The following FANCL variants were observed in gnomAD, a reference collection of about 807,000 sequenced individuals.
FANCL encodes FA complementation group L.
A neutral mutation model predicts 59.4 loss-of-function variants in FANCL; 69 were observed. The ratio of observed to expected loss-of-function variants is 1.16; its 90% CI spans 0.96 to 1.42. The LOEUF (loss-of-function observed/expected upper bound fraction) is 1.42, where lower values mean the gene tolerates loss of function less well. Among genes scored for constraint, FANCL ranks in the 40% most tolerant of loss-of-function variants. The pLI is 0.00. For missense variants in FANCL, 519 were observed against 447.2 expected (o/e 1.16, Z -1.45); for synonymous variants, 180 against 147.1 (o/e 1.22, Z -1.62).
At chr2:58,188,947 C>T (rs1388671036) in intron 7 of FANCL, among the ~76,000 whole-genome samples, 4 of 152,150 alleles carry the variant, frequency 2.6e-5, no homozygotes, top group Admixed American at 6.5e-5. Flanking sequence ...AACTATATTA[C>T]ATGCTACAAC....
chr2:58,187,312 A>G (rs1321710021), intron 7 of FANCL, among the ~76,000 whole-genome samples: 1 of 151,794 alleles, frequency 6.6e-6, no homozygotes, highest in Non-Finnish European at 1.5e-5. Flanking sequence ...AACTATCGCA[A>G]GCACAGAAAA....
intron 1 of FANCL, among the ~76,000 whole-genome samples, chr2:58,237,660 T>C (rs181979078): frequency 2.6e-5 from 4 of 152,046 alleles, no homozygotes; most frequent in Non-Finnish European, 5.9e-5. Flanking sequence ...TAAACCTCTA[T>C]CTAGATGTAT....
At chr2:58,174,743 G>C (rs1687096648) in intron 7 of FANCL, among the ~76,000 whole-genome samples, 1 of 152,044 alleles carries the variant, frequency 6.6e-6, no homozygotes, top group Non-Finnish European at 1.5e-5. Context: ...AAAAGCAAGA[G>C]CAAACACATT....
At chr2:58,188,727 A>C (rs1282240906) in intron 7 of FANCL, among the ~76,000 whole-genome samples, 2 of 151,704 alleles carry the variant, frequency 1.3e-5, no homozygotes, top group Non-Finnish European at 2.9e-5. Context: ...GGTGTGAGAC[A>C]CTGCGACCAG....
chr2:58,238,105 C>T (rs528480242), intron 1 of FANCL, among the ~76,000 whole-genome samples: 63 of 152,314 alleles, frequency 4.1e-4, no homozygotes, highest in Non-Finnish European at 7.6e-4. Context: ...CCCAGGACAG[C>T]TCTGAATGCA....
chr2:58,166,749 T>C (rs1008594000), intron 7 of FANCL, among the ~76,000 whole-genome samples: 7 of 152,226 alleles, frequency 4.6e-5, no homozygotes, highest in African/African-American at 1.4e-4. Flanking sequence ...AAGAATATGA[T>C]ACACCCTAAG....
intron 5 of FANCL, among the ~76,000 whole-genome samples, chr2:58,210,267 C>T (rs1231420879): frequency 6.6e-6 from 1 of 152,140 alleles, no homozygotes; most frequent in Non-Finnish European, 1.5e-5. Context: ...GGAAGGCTCA[C>T]AATCATGGTG....
chr2:58,236,274 CAAAGA>C (rs1412405691), intron 1 of FANCL, among the ~76,000 whole-genome samples: 2 of 151,370 alleles, frequency 1.3e-5, no homozygotes, highest in South Asian at 4.2e-4. Flanking sequence ...TACAGAGAAA[CAAAGA>C]AAAGAGCAGA....
intron 12 of FANCL, among the ~76,000 whole-genome samples, chr2:58,161,147 T>G (rs1685094528): frequency 6.6e-6 from 1 of 152,002 alleles, no homozygotes; most frequent in South Asian, 2.1e-4. Flanking sequence ...AATTTCATTT[T>G]CACTGTATTA....
intron 5 of FANCL, among the ~76,000 whole-genome samples, chr2:58,217,173 T>A (rs1319406194): frequency 5.6e-5 from 1 of 17,812 alleles, no homozygotes; most frequent in Non-Finnish European, 1.0e-4. Flanking sequence ...ATTTTATATA[T>A]ATATATATAT....
intron 1 of FANCL, among the ~76,000 whole-genome samples, chr2:58,239,814 A>C (rs765296461): frequency 6.6e-6 from 1 of 152,326 alleles, no homozygotes; most frequent in South Asian, 2.1e-4. Context: ...AATGGAGAAA[A>C]TGTAAACTGG....
intron 7 of FANCL, among the ~76,000 whole-genome samples, chr2:58,175,563 G>C (rs987846599): frequency 6.6e-6 from 1 of 152,008 alleles, no homozygotes; most frequent in African/African-American, 2.4e-5. Flanking sequence ...ATGCAGATAA[G>C]GCCTTTGACA....
rs1439763818 is a variant in FANCL at position 58,159,652 on chromosome 2, G to C, written c.*113C>G. ...TTATTATTATCGCATCATCATACCT[G>C]TCCTTTTGATGTTAGTATTTCTTGC... On this transcript the variant is annotated 3_prime_UTR_variant, in exon 14 of 14. Coordinates refer to ENST00000233741, the MANE Select transcript of FANCL (RefSeq NM_018062.4). 1.9e-6 allele frequency: 3 copies of C among 1,613,506 alleles called. No individual in the cohort carries two copies. In the South Asian group the frequency reaches 3.3e-5, roughly 18 times the overall value.
intron 7 of FANCL, among the ~76,000 whole-genome samples, chr2:58,168,130 TAA>T (rs1191639674): frequency 6.6e-6 from 1 of 152,128 alleles, no homozygotes; most frequent in African/African-American, 2.4e-5. Flanking sequence ...TTTTTAAAAA[TAA>T]AAATAGCTAA....
chr2:58,228,169 C>T (rs948325646), intron 3 of FANCL, among the ~76,000 whole-genome samples: 1 of 151,768 alleles, frequency 6.6e-6, no homozygotes, highest in Non-Finnish European at 1.5e-5. Context: ...GACAGTCATT[C>T]ATTAAAGTAA....
Position 58,159,366 on chromosome 2 carries a change from A to G in FANCL, c.*399T>C, listed in dbSNP as rs1389436643. The G allele has an allele frequency of 6.2e-7, 1 of 1,607,488 alleles. No homozygotes were observed. The highest frequency in any genetic ancestry group is 1.7e-5 in the Admixed American group (1 of 58,522). On this transcript the variant is annotated 3_prime_UTR_variant, in exon 14 of 14. Transcript: ENST00000233741. ...TTCCATAGGAAAGCACAAGGAGAAGACAGAAATATCAAGAGTCTCAAGAAC... is the reference window on the plus strand; with the variant it reads ...TTCCATAGGAAAGCACAAGGAGAAGGCAGAAATATCAAGAGTCTCAAGAAC...
intron 2 of FANCL, among the ~76,000 whole-genome samples, chr2:58,231,527 T>C (rs1693575921): frequency 6.6e-6 from 1 of 152,170 alleles, no homozygotes; most frequent in East Asian, 1.9e-4. Flanking sequence ...TACTCATAAA[T>C]ATCTCTGGAT....
chr2:58,234,947 T>A (rs1039536813), intron 1 of FANCL, among the ~76,000 whole-genome samples: 1 of 151,964 alleles, frequency 6.6e-6, no homozygotes, highest in Non-Finnish European at 1.5e-5. Flanking sequence ...CATTAAACAA[T>A]AGGCAGCGAG....
chr2:58,181,201 T>C (rs1687907676), intron 7 of FANCL, among the ~76,000 whole-genome samples: 1 of 152,040 alleles, frequency 6.6e-6, no homozygotes, highest in Admixed American at 6.6e-5. Context: ...ATTCATGCAA[T>C]GGACTATTAC....
Sources: allele counts gnomAD v4.1 joint callset (sites outside exome capture counted in the v4.1 genomes callset), GRCh38; gene constraint gnomAD v4.1.1; transcripts MANE v1.5; gene names NCBI Gene and HGNC (gene_info 2026-07-23, HGNC 2026-07-21).